Variants in ITGB2 observed in about 807,000 individuals in gnomAD.
ITGB2 encodes integrin beta-2.
ITGB2 carries 56 observed loss-of-function variants against 86.8 expected under a neutral mutation model. That is an observed-to-expected ratio of 0.65 (90% confidence interval 0.52 to 0.81). ITGB2 has a LOEUF of 0.81. Among genes scored for constraint, ITGB2 ranks in the 30% least tolerant of loss-of-function variants. The probability of loss-of-function intolerance (pLI) is 0.00; values close to 1 mark genes in which losing one functional copy is unlikely to be tolerated. For synonymous variants in ITGB2, 457 were observed against 450.4 expected (o/e 1.01, Z -0.19); for missense variants, 948 against 1,061.2 (o/e 0.89, Z 1.48).
In ITGB2 at chr21:44,886,267, GT is replaced by G. The variant is rs1419711894; in HGVS notation, c.*100del. ...AGGGCGGAAAATAACTGGATTTCTG[GT>G]TAATTGGTGACATCCTCAAGAGCTG... On this transcript the variant is annotated 3_prime_UTR_variant, in exon 16 of 16. Transcript: ENST00000652462. 6 of 1,131,304 alleles carry G rather than the reference GT, an allele frequency of 5.3e-6. No homozygotes were observed. 70.1% of individuals were successfully genotyped at this position (1,131,304 alleles called of 1,614,324 possible).
intron 5 of ITGB2, among the ~76,000 whole-genome samples, chr21:44,902,456 T>A (rs1033813840): frequency 8.6e-5 from 13 of 151,570 alleles, no homozygotes; most frequent in Admixed American, 8.5e-4. Context: ...TGAGCATACA[T>A]TCATGTGTGA....
At chr21:44,899,794 CCTT>C (rs1342342348) in intron 7 of ITGB2, among the ~76,000 whole-genome samples, 1 of 152,220 alleles carries the variant, frequency 6.6e-6, no homozygotes, top group Non-Finnish European at 1.5e-5. Context: ...ATCCTGGGCT[CCTT>C]CTCGCCTCTG....
chr21:44,916,281 A>AC (rs1170970220), intron 1 of ITGB2, among the ~76,000 whole-genome samples: 39 of 149,162 alleles, frequency 2.6e-4, no homozygotes, highest in Non-Finnish European at 3.9e-4. Flanking sequence ...GAGACACCCC[A>AC]CCCCCCCGAC....
chr21:44,888,141 C>T (rs147428613), intron 14 of ITGB2, among the ~76,000 whole-genome samples: 1 of 145,050 alleles, frequency 6.9e-6, no homozygotes, highest in African/African-American at 2.4e-5. Flanking sequence ...CGACTGGAGC[C>T]GAATGAGACA....
chr21:44,897,741 G>A (rs956670823), intron 8 of ITGB2, among the ~76,000 whole-genome samples: 3 of 151,662 alleles, frequency 2.0e-5, no homozygotes, highest in East Asian at 1.9e-4. Context: ...CAACTATCTC[G>A]TTCCTCCAGC....
chr21:44,895,583 T>G (rs1379345663), intron 8 of ITGB2, among the ~76,000 whole-genome samples: 1 of 151,436 alleles, frequency 6.6e-6, no homozygotes, highest in African/African-American at 2.4e-5. Flanking sequence ...GGCTCACGCC[T>G]GTGATCCCAG....
intron 1 of ITGB2, among the ~76,000 whole-genome samples, chr21:44,926,228 GA>G (rs1291201715): frequency 6.6e-6 from 1 of 151,342 alleles, no homozygotes; most frequent in Non-Finnish European, 1.5e-5. Context: ...GCTATGGGGG[GA>G]CCCAGACCTC....
At chr21:44,886,618 G>A in intron 15 of ITGB2, 118 bp downstream of exon 15, 1 of 1,498,086 alleles carries the variant, frequency 6.7e-7, no homozygotes, top group Non-Finnish European at 9.3e-7. Flanking sequence ...AGGACAAGCT[G>A]CCTGGGGAGG....
chr21:44,924,362 A>G (rs553757239), upstream of ITGB2, among the ~76,000 whole-genome samples: 1 of 152,282 alleles, frequency 6.6e-6, no homozygotes, highest in East Asian at 1.9e-4. Context: ...CCTAGGAGGC[A>G]GAGGTTGCAG....
rs570930598 is a variant in ITGB2 at position 44,901,611 on chromosome 21, G to A, written c.622C>T (p.Leu208=). The part of the protein sequence containing the change: ...CQPPFAFRHV[L]KLTNNSNQFQ... Reference sequence around the variant, plus strand: ...TGGTTGGAGTTGTTGGTCAGCTTCAGCACGTGCCTGAAGGCAAACGGGGGC... The same window carrying A: ...TGGTTGGAGTTGTTGGTCAGCTTCAACACGTGCCTGAAGGCAAACGGGGGC... Residue 208 remains leucine (L), a synonymous_variant, in exon 6 of 16, where the codon CTG becomes TTG. Transcript: ENST00000652462. 1.9e-6 allele frequency: 3 copies of A among 1,614,278 alleles called. No homozygotes were observed. In the South Asian group the frequency reaches 3.3e-5, roughly 18 times the overall value.
chr21:44,889,206 G>A (rs2083747003), intron 13 of ITGB2, 70 bp downstream of exon 13: 3 of 1,487,418 alleles, frequency 2.0e-6, no homozygotes, highest in Non-Finnish European at 1.9e-6. Flanking sequence ...CCCCGAGTGA[G>A]CCCGGCTGCT....
intron 1 of ITGB2, among the ~76,000 whole-genome samples, chr21:44,919,868 T>G (rs2084273655): frequency 6.7e-6 from 1 of 150,188 alleles, no homozygotes; most frequent in African/African-American, 2.5e-5. Flanking sequence ...GTGCCAGGGG[T>G]GGAGGATGCA....
chr21:44,895,129 C>T (rs1601293070), intron 8 of ITGB2, 69 bp from the exon 9 acceptor site: 1 of 1,161,690 alleles, frequency 8.6e-7, no homozygotes, highest in East Asian at 2.3e-5. Context: ...GCACTGGGCT[C>T]ACCCCAGGGG....
intron 13 of ITGB2, 138 bp downstream of exon 13, chr21:44,889,138 C>T (rs1181653170): frequency 2.3e-5 from 19 of 833,780 alleles, no homozygotes; most frequent in Admixed American, 8.5e-5. Context: ...CCGCGGAGGG[C>T]CCCTCAGTCC....
Position 44,911,646 on chromosome 21 carries a change from A to T in ITGB2, c.-3-861T>A, listed in dbSNP as rs568070668. On this transcript the variant is annotated intron_variant, in intron 1 of 15. Transcript: ENST00000652462. ...AGTCACCTGACTTGCCCAAGCCACC[A>T]GTTGCCGGGGTCCTGCCCTTTTGTT... is the stretch of plus-strand genomic sequence containing the variant. 2.0e-5 allele frequency among the ~76,000 whole-genome samples: 3 copies of T among 152,348 alleles called. No homozygotes were observed. The South Asian group carries it at 6.2e-4, about 32-fold the overall frequency.
At chr21:44,928,626 C>CG (rs2084406397) in intron 1 of ITGB2, 1 of 138,578 alleles carries the variant, frequency 7.2e-6, no homozygotes, top group Non-Finnish European at 1.5e-5. Context: ...CGGGTCGGGT[C>CG]GGGTTGGGTC....
intron 8 of ITGB2, among the ~76,000 whole-genome samples, chr21:44,896,023 A>ATCCCGCCTGCGGTGTGAGTGC (rs1227224860): frequency 1.1e-4 from 17 of 151,122 alleles, no homozygotes; most frequent in East Asian, 9.7e-4. Context: ...GGTGTGAGTG[A>ATCCCGCCTGCGGTGTGAGTGC]TCCCGCCTGC....
intron 4 of ITGB2, among the ~76,000 whole-genome samples, chr21:44,903,784 G>A (rs1019776302): frequency 1.3e-5 from 2 of 152,146 alleles, no homozygotes; most frequent in African/African-American, 4.8e-5. Context: ...ACTGAAACCC[G>A]CCTGGGGTGC....
chr21:44,893,720 C>T (rs1279882689), intron 9 of ITGB2, 176 bp from the exon 10 acceptor site: 1 of 793,162 alleles, frequency 1.3e-6, no homozygotes, highest in African/African-American at 1.7e-5. Flanking sequence ...CTGCCAGGGC[C>T]ACAGTCCTGC....
Sources: allele counts gnomAD v4.1 joint callset (sites outside exome capture counted in the v4.1 genomes callset), GRCh38; gene constraint gnomAD v4.1.1; transcripts MANE v1.5; gene names NCBI Gene and HGNC (gene_info 2026-07-23, HGNC 2026-07-21).